The following DIS3L2 variants were observed in gnomAD, a reference collection of about 807,000 sequenced individuals.
DIS3L2 encodes DIS3 like 3'-5' exoribonuclease 2.
DIS3L2 carries 34 observed loss-of-function variants against 97.5 expected under a neutral mutation model. That is an observed-to-expected ratio of 0.35 (90% CI 0.27 to 0.46). The LOEUF (loss-of-function observed/expected upper bound fraction) is 0.46. Ranked by LOEUF, DIS3L2 falls within the 20% of genes least tolerant of loss-of-function variation. The probability of loss-of-function intolerance (pLI) is 1.00; values close to 1 mark genes in which losing one functional copy is unlikely to be tolerated. For missense variants in DIS3L2, 1,038 were observed against 1,146.0 expected, an observed-to-expected ratio of 0.91 and a Z score of 1.36; for synonymous variants, 435 against 445.2, an observed-to-expected ratio of 0.98 and a Z score of 0.29.
At chr2:231,982,602 T>C (rs565784670) in intron 1 of DIS3L2, among the ~76,000 whole-genome samples, 235 of 152,308 alleles carry the variant, frequency 1.5e-3, no homozygotes, top group Middle Eastern at 0.014. Context: ...AAATCTTTTT[T>C]CTATTGATCT....
intron 14 of DIS3L2, among the ~76,000 whole-genome samples, chr2:232,309,716 T>C (rs1695075586): frequency 6.6e-6 from 1 of 152,208 alleles, no homozygotes; most frequent in Non-Finnish European, 1.5e-5. Context: ...AGCTGACTGC[T>C]GGAGGATCCT....
In DIS3L2 at chr2:232,196,604, C is replaced by A. The variant is rs146793083; in HGVS notation, c.1125-13722C>A. Among the ~76,000 whole-genome samples the A allele has an allele frequency of 2.5e-3, 385 of 152,208 alleles. 1 individual carries two copies. Among genetic ancestry groups the A allele is most frequent in the African/African-American group, 9.1e-3 (378 of 41,520 alleles). On this transcript the variant is annotated intron_variant, in intron 9 of 20. Coordinates refer to ENST00000325385, the MANE Select transcript of DIS3L2 (RefSeq NM_152383.5). The stretch of plus-strand genomic sequence containing the variant: ...GACTTGACAGGAAAGCCCTAGAATT[C>A]TTGAAGAGCAAGGCTTTTGAAAGAT...
intron 10 of DIS3L2, among the ~76,000 whole-genome samples, chr2:232,228,909 A>AT (rs1310746211): frequency 6.6e-6 from 1 of 152,208 alleles, no homozygotes; most frequent in Admixed American, 6.5e-5. Context: ...CAGGGTTTGC[A>AT]TTTTTTATTT....
intron 6 of DIS3L2, among the ~76,000 whole-genome samples, chr2:232,113,338 C>G (rs749836276): frequency 2.6e-5 from 4 of 152,188 alleles, no homozygotes; most frequent in Non-Finnish European, 5.9e-5. Context: ...ACTGCTCATT[C>G]CACTACTCAG....
chr2:232,235,679 C>A (rs1692913390), intron 10 of DIS3L2, among the ~76,000 whole-genome samples: 1 of 152,162 alleles, frequency 6.6e-6, no homozygotes, highest in Non-Finnish European at 1.5e-5. Flanking sequence ...TGTAATAATC[C>A]TCTCTTTTGT....
chr2:231,975,982 A>G (rs1693079145), intron 1 of DIS3L2, among the ~76,000 whole-genome samples: 1 of 151,894 alleles, frequency 6.6e-6, no homozygotes, highest in Non-Finnish European at 1.5e-5. Context: ...TCTCTCTTAG[A>G]CATACACACA....
intron 14 of DIS3L2, among the ~76,000 whole-genome samples, chr2:232,326,856 GGTCACCAAGA>G (rs1352371647): frequency 1.3e-5 from 2 of 152,264 alleles, no homozygotes; most frequent in East Asian, 3.9e-4. Flanking sequence ...TCACGTTCAA[GGTCACCAAGA>G]GTGCACTTGT....
At position 232,173,397 on chromosome 2, in the gene DIS3L2, A is replaced by AT. The variant is rs533280455; in HGVS notation, c.1124+9772dup. Among the ~76,000 whole-genome samples, 23 of 151,814 alleles carry AT rather than the reference A, an allele frequency of 1.5e-4. 1 individual carries two copies. In the East Asian group the frequency reaches 3.9e-3, roughly 26 times the overall value. Reference sequence around the variant, plus strand: ...AGGCACCCATCACCACACCCTGCCAATTTTTTTGTGTTTTTATAGAGATGG... The same window carrying AT: ...AGGCACCCATCACCACACCCTGCCAATTTTTTTTGTGTTTTTATAGAGATGG... On this transcript the variant is annotated intron_variant, in intron 9 of 20. Transcript: ENST00000325385.
chr2:232,121,213 G>A (rs958709663), intron 6 of DIS3L2, among the ~76,000 whole-genome samples: 1 of 152,114 alleles, frequency 6.6e-6, no homozygotes, highest in Non-Finnish European at 1.5e-5. Context: ...CTGTGACCTT[G>A]TCACTAAGGC....
At chr2:232,303,629 G>C (rs1044451723) in intron 14 of DIS3L2, among the ~76,000 whole-genome samples, 1 of 152,208 alleles carries the variant, frequency 6.6e-6, no homozygotes, top group Admixed American at 6.5e-5. Context: ...TGAGGCTGTT[G>C]GATGGTTCTC....
At chr2:232,140,905 T>A (rs1225899146) in intron 8 of DIS3L2, among the ~76,000 whole-genome samples, 2 of 152,204 alleles carry the variant, frequency 1.3e-5, no homozygotes, top group Admixed American at 6.5e-5. Flanking sequence ...TTTTTATGAA[T>A]CTTGTTCTGT....
At chr2:232,105,400 A>G (rs1697331836) in intron 6 of DIS3L2, among the ~76,000 whole-genome samples, 1 of 152,170 alleles carries the variant, frequency 6.6e-6, no homozygotes, top group Non-Finnish European at 1.5e-5. Context: ...GAAAATGTTG[A>G]TGTATTATAG....
intron 4 of DIS3L2, among the ~76,000 whole-genome samples, chr2:232,024,936 G>GT (rs978027978): frequency 2.0e-5 from 3 of 152,200 alleles, no homozygotes; most frequent in African/African-American, 7.2e-5. Flanking sequence ...TCTAGAGAAG[G>GT]TTTGATTGAG....
intron 6 of DIS3L2, among the ~76,000 whole-genome samples, chr2:232,122,120 A>C (rs1697924676): frequency 6.6e-6 from 1 of 152,226 alleles, no homozygotes; most frequent in African/African-American, 2.4e-5. Flanking sequence ...TGTAATGTTT[A>C]ACTGGCCTCT....
intron 5 of DIS3L2, among the ~76,000 whole-genome samples, chr2:232,038,814 C>T (rs1386889035): frequency 6.6e-6 from 1 of 152,082 alleles, no homozygotes; most frequent in Admixed American, 6.5e-5. Context: ...TTGTTTCTGC[C>T]TTGGTGCCTT....
chr2:232,167,769 G>C lies in DIS3L2; in HGVS notation c.1124+4137G>C, dbSNP rs183853132. On this transcript the variant is annotated intron_variant, in intron 9 of 20. Transcript: ENST00000325385. ...CTTTAAAAACTAGTTAAAAAATTCA[G>C]CCAGGCACATTGGCTCACACCTGTA... is the stretch of plus-strand genomic sequence containing the variant. 4.7e-3 allele frequency among the ~76,000 whole-genome samples: 717 copies of C among 152,248 alleles called. 7 individuals carry two copies. The highest frequency in any genetic ancestry group is 0.017 in the Middle Eastern group (5 of 294).
intron 14 of DIS3L2, among the ~76,000 whole-genome samples, chr2:232,314,674 A>G (rs1157665359): frequency 6.6e-6 from 1 of 152,250 alleles, no homozygotes; most frequent in African/African-American, 2.4e-5. Flanking sequence ...TTAAGCAGCT[A>G]ACACTTTCCC....
At chr2:232,330,067 G>C in intron 15 of DIS3L2, 71 bp downstream of exon 15, 1 of 1,517,646 alleles carries the variant, frequency 6.6e-7, no homozygotes, top group Non-Finnish European at 8.9e-7. Context: ...AAGGTGGGGT[G>C]GTCCAGCGGC....
In DIS3L2 at chr2:232,336,987, T is replaced by G. The variant is rs1255220411; in HGVS notation, c.*357T>G. 1 of 1,118,906 alleles carries G rather than the reference T, an allele frequency of 8.9e-7. No individual in the cohort carries two copies. The highest frequency in any genetic ancestry group is 4.9e-5 in the Admixed American group (1 of 20,258). The allele number at this position is 1,118,906 out of a possible 1,614,324, so 69.3% of individuals were successfully genotyped here. On this transcript the variant is annotated 3_prime_UTR_variant, in exon 21 of 21. Transcript: ENST00000325385. ...CAAGTGTGGAGTGCCATCTGGTGTGTAGGGCGCCTCTGGGAAGCCTGGGCA... is the reference window on the plus strand; with the variant it reads ...CAAGTGTGGAGTGCCATCTGGTGTGGAGGGCGCCTCTGGGAAGCCTGGGCA...
Sources: allele counts gnomAD v4.1 joint callset (sites outside exome capture counted in the v4.1 genomes callset), GRCh38; gene constraint gnomAD v4.1.1; transcripts MANE v1.5; gene names NCBI Gene and HGNC (gene_info 2026-07-23, HGNC 2026-07-21).